The following PTK2 variants were observed in gnomAD, a reference collection of about 807,000 sequenced individuals.
PTK2 encodes focal adhesion kinase 1.
Under a neutral mutation model 150.1 loss-of-function variants are expected in PTK2, and 45 were observed. The observed-to-expected ratio is 0.30, with a 90% CI of 0.24 to 0.38. The LOEUF (loss-of-function observed/expected upper bound fraction) is 0.38, where lower values mean the gene tolerates loss of function less well. Among genes scored for constraint, PTK2 ranks in the 10% least tolerant of loss-of-function variants. The pLI is 1.00. For synonymous variants in PTK2, 432 were observed against 449.2 expected, an observed-to-expected ratio of 0.96 and a Z score of 0.48; for missense variants, 919 against 1,307.3, an observed-to-expected ratio of 0.70 and a Z score of 4.58.
intron 10 of PTK2, among the ~76,000 whole-genome samples, chr8:140,807,829 C>T (rs531016122): frequency 6.6e-6 from 1 of 152,286 alleles, no homozygotes; most frequent in East Asian, 1.9e-4. Context: ...ACCTATGAGG[C>T]TTACATCGTA....
At chr8:140,745,817 T>C (rs1023884561) in intron 18 of PTK2, among the ~76,000 whole-genome samples, 2 of 151,990 alleles carry the variant, frequency 1.3e-5, no homozygotes, top group African/African-American at 4.8e-5. Flanking sequence ...CTGGCCAACA[T>C]GGTGAAACCC....
At chr8:140,788,577 G>A (rs1307629375) in intron 14 of PTK2, among the ~76,000 whole-genome samples, 1 of 152,076 alleles carries the variant, frequency 6.6e-6, no homozygotes, top group African/African-American at 2.4e-5. Flanking sequence ...CCAGCTACTC[G>A]GGAGGCTGAG....
In PTK2 at chr8:140,988,063, A is replaced by AG. The variant is rs1265177306; in HGVS notation, c.-122+13061dup. 2.1e-5 allele frequency among the ~76,000 whole-genome samples: 3 copies of AG among 145,876 alleles called. No homozygotes were observed. The East Asian group carries it at 6.1e-4, about 29-fold the overall frequency. On this transcript the variant is annotated intron_variant, in intron 1 of 31. Coordinates refer to ENST00000522684, the Ensembl canonical transcript of PTK2. ...CTGTCTCAAAAAAAAAAAAAAAAAA[A>AG]GTTAAACATACACCTACCATATGAT...
chr8:140,713,321 C>T (rs1016044298), intron 23 of PTK2, among the ~76,000 whole-genome samples: 3 of 152,028 alleles, frequency 2.0e-5, no homozygotes, highest in African/African-American at 4.8e-5. Flanking sequence ...AGTGCAGTGG[C>T]GCGATCTCAG....
intron 16 of PTK2, 69 bp downstream of exon 19, chr8:140,761,096 C>G (rs911539280): frequency 1.0e-4 from 110 of 1,066,490 alleles, no homozygotes; most frequent in Admixed American, 4.4e-4. Flanking sequence ...CTCATGAAGA[C>G]AAACAAAAGC....
intron 1 of PTK2, chr8:140,927,520 G>A (rs41315639): frequency 6.6e-6 from 1 of 152,122 alleles, no homozygotes; most frequent in African/African-American, 2.4e-5. Flanking sequence ...GGGGTCTGAT[G>A]GTGTCAGGAG....
chr8:140,800,371 C>T (rs2100094269), intron 12 of PTK2, 88 bp downstream of exon 12: 1 of 1,054,846 alleles, frequency 9.5e-7, no homozygotes, highest in South Asian at 1.3e-5. Context: ...TTACAGTTAC[C>T]TAAAAGAGGA....
chr8:140,989,473 T>C (rs931117956), intron 1 of PTK2, among the ~76,000 whole-genome samples: 2 of 149,012 alleles, frequency 1.3e-5, no homozygotes, highest in African/African-American at 2.5e-5. Context: ...GCAAGATATA[T>C]AAACCAACAA....
chr8:140,933,739 T>C (rs1350102345), intron 1 of PTK2, among the ~76,000 whole-genome samples: 1 of 152,162 alleles, frequency 6.6e-6, no homozygotes, highest in Non-Finnish European at 1.5e-5. Flanking sequence ...GGGCTGAAGA[T>C]AAGGAATAAA....
At chr8:140,865,238 AT>A (rs967229944) in intron 4 of PTK2, among the ~76,000 whole-genome samples, 1 of 152,022 alleles carries the variant, frequency 6.6e-6, no homozygotes, top group Non-Finnish European at 1.5e-5. Context: ...TGAGTTTTTT[AT>A]TTTTTGTAGA....
chr8:140,895,590 A>G (rs1024769120), intron 2 of PTK2, among the ~76,000 whole-genome samples: 10 of 152,192 alleles, frequency 6.6e-5, no homozygotes, highest in African/African-American at 2.4e-4. Context: ...TATCTCTAAG[A>G]ATACACATCT....
chr8:140,916,303 T>C (rs1439435202), intron 2 of PTK2, among the ~76,000 whole-genome samples: 2 of 152,180 alleles, frequency 1.3e-5, no homozygotes, highest in Admixed American at 6.5e-5. Flanking sequence ...TTTTAACCCA[T>C]GCCTGTGTCT....
rs34459077 is a variant in PTK2, at chr8:140,697,416, TTGTGTGTGTGTG to T, written c.2499+3463_2499+3474del. Among the ~76,000 whole-genome samples, 74 of 145,816 alleles carry T rather than the reference TTGTGTGTGTGTG, an allele frequency of 5.1e-4. No individual in the cohort carries two copies. The East Asian group carries it at 6.0e-3, about 12-fold the overall frequency. On this transcript the variant is annotated intron_variant, in intron 26 of 31. Transcript: ENST00000522684. ...CTACAGGAAGTTCTTAGAATACGGT[TTGTGTGTGTGTG>T]TGTGTGTGTGTGTGTGTGTGTGTGT...
At position 140,961,212 on chromosome 8, in the gene PTK2, GC is replaced by G. The variant is rs558388619; in HGVS notation, c.-121-35464del. Among the ~76,000 whole-genome samples the G allele has an allele frequency of 2.2e-3, 331 of 152,288 alleles. 1 individual carries two copies. Among genetic ancestry groups the G allele is most frequent in the Non-Finnish European group, 4.3e-3 (290 of 68,022 alleles). ...AAATAACTACACCACACTTTGCTAA[GC>G]TTATGGATGGTATCAAACAGCCAAC... On this transcript the variant is annotated intron_variant, in intron 1 of 31. Transcript: ENST00000522684.
chr8:140,698,689 A>C (rs769867472), intron 26 of PTK2, among the ~76,000 whole-genome samples: 1 of 152,152 alleles, frequency 6.6e-6, no homozygotes, highest in Admixed American at 6.5e-5. Context: ...ATCTTGGCTC[A>C]CTGCAACCTC....
At position 140,838,577 on chromosome 8, in the gene PTK2, A is replaced by G. The variant is rs550505480; in HGVS notation, c.593+7683T>C. Among the ~76,000 whole-genome samples the G allele has an allele frequency of 1.2e-4, 19 of 152,332 alleles. No individual in the cohort carries two copies. In the South Asian group the frequency reaches 3.7e-3, roughly 30 times the overall value. ...CCAGATATGGTGACTCATACCTATA[A>G]TCTCAGCACATTGGGAGGCCAAAGT... is the stretch of plus-strand genomic sequence containing the variant. On this transcript the variant is annotated intron_variant, in intron 7 of 31. Coordinates refer to ENST00000522684, the Ensembl canonical transcript of PTK2.
At chr8:140,928,822 T>C (rs962411061) in intron 1 of PTK2, among the ~76,000 whole-genome samples, 17 of 152,068 alleles carry the variant, frequency 1.1e-4, no homozygotes, top group African/African-American at 2.9e-4. Flanking sequence ...TAGAGCTTCA[T>C]AGTTTCAAGA....
intron 22 of PTK2, chr8:140,734,865 T>G: frequency 4.3e-6 from 2 of 460,240 alleles, no homozygotes; most frequent in South Asian, 3.2e-5. Flanking sequence ...GAAAACGCAG[T>G]GAGCTGTGTT....
chr8:140,839,546 T>G (rs1250435850), intron 7 of PTK2, among the ~76,000 whole-genome samples: 1 of 151,558 alleles, frequency 6.6e-6, no homozygotes, highest in Non-Finnish European at 1.5e-5. Flanking sequence ...GAAGATTACA[T>G]CACATGAAAT....
Sources: gnomAD v4.1 joint callset for allele counts (sites outside exome capture counted in the v4.1 genomes callset) on GRCh38, gnomAD v4.1.1 for gene constraint, MANE v1.5 for transcripts, NCBI Gene and HGNC (gene_info 2026-07-23, HGNC 2026-07-21) for gene names.